The following TRA2B variants were observed in gnomAD, a reference collection of about 807,000 sequenced individuals.
The protein encoded by TRA2B is transformer-2 protein homolog beta.
Under a neutral mutation model 41.7 loss-of-function variants are expected in TRA2B, and 14 were observed. The observed-to-expected ratio is 0.34, with a 90% CI of 0.22 to 0.53. TRA2B has a LOEUF of 0.53. TRA2B is among the 20% of genes least tolerant of loss of function. The pLI is 0.95. For missense variants in TRA2B, 167 were observed against 396.8 expected (o/e 0.42, Z 4.92); for synonymous variants, 130 against 128.8 (o/e 1.01, Z -0.06).
rs1425605198 is a variant in TRA2B at position 185,937,980 on chromosome 3, G to A, written c.-120C>T. ...CGCGCCGGTCGCCCAGCCGCTCAGA[G>A]CCGAAATGCTCCGCACCGCCTCCGC... On this transcript the variant is annotated 5_prime_UTR_variant, in exon 1 of 9. Transcript: ENST00000453386. 2 of 1,226,658 alleles carry A rather than the reference G, an allele frequency of 1.6e-6. No individual in the cohort carries two copies. The highest frequency in any genetic ancestry group is 5.0e-5 in the East Asian group (2 of 39,906). 76.0% of individuals were successfully genotyped at this position (1,226,658 alleles called of 1,614,324 possible).
chr3:185,931,454 C>A, intron 1 of TRA2B: 1 of 655,982 alleles, frequency 1.5e-6, no homozygotes, highest in Non-Finnish European at 1.9e-6. Flanking sequence ...ATCAGAATTA[C>A]CTAATTTAAA....
rs112268486 is a variant in TRA2B at position 185,919,301 on chromosome 3, G to A, written c.782+136C>T. On this transcript the variant is annotated intron_variant, in intron 7 of 8. Coordinates refer to ENST00000453386, the MANE Select transcript of TRA2B (RefSeq NM_004593.3). ...CAAAGACTTTATACATTTAGTTTCC[G>A]TTAGAATATTTTCATGAGCTTCAAA... is the stretch of plus-strand genomic sequence containing the variant. 1.4e-3 allele frequency: 831 copies of A among 604,148 alleles called. 3 individuals are homozygous for A. Among genetic ancestry groups the A allele is most frequent in the African/African-American group, 0.012 (663 of 53,676 alleles). 37.4% of individuals were successfully genotyped at this position (604,148 alleles called of 1,614,324 possible).
rs934289321 is a variant in TRA2B, at chr3:185,916,105, A to G, written c.*1610T>C. On this transcript the variant is annotated 3_prime_UTR_variant, in exon 9 of 9. Transcript: ENST00000453386. ...CAAACCTAAGGGTAGTTCTCTAAGC[A>G]TATTAATTTACCACAAGTTGGCAAA... The G allele has an allele frequency of 1.3e-5, 2 of 152,246 alleles. No homozygotes were observed. Among genetic ancestry groups the G allele is most frequent in the African/African-American group, 2.4e-5 (1 of 41,458 alleles). 9.4% of individuals were successfully genotyped at this position (152,246 alleles called of 1,614,324 possible).
In TRA2B at chr3:185,915,727, C is replaced by T. The variant is rs1743478010; in HGVS notation, c.*1988G>A. On this transcript the variant is annotated 3_prime_UTR_variant, in exon 9 of 9. Transcript: ENST00000453386. Reference sequence around the variant, plus strand: ...ATCAGCAGGATAAAGGATGGCTACACAACTAAAGGGCTAAAACTCAGGCTT... The same window carrying T: ...ATCAGCAGGATAAAGGATGGCTACATAACTAAAGGGCTAAAACTCAGGCTT... Among the ~76,000 whole-genome samples, 1 of 152,132 alleles carries T rather than the reference C, an allele frequency of 6.6e-6. No individual in the cohort carries two copies. Among genetic ancestry groups the T allele is most frequent in the Non-Finnish European group, 1.5e-5 (1 of 68,018 alleles).
chr3:185,915,152 G>T lies in TRA2B; in HGVS notation c.*2563C>A, dbSNP rs981036541. ...GAGCTCAGGCAATCCATGGCCAGGAGATCGGAAACCCCTGCTCCCAGGTCT... is the reference window on the plus strand; with the variant it reads ...GAGCTCAGGCAATCCATGGCCAGGATATCGGAAACCCCTGCTCCCAGGTCT... On this transcript the variant is annotated 3_prime_UTR_variant, in exon 9 of 9. Coordinates refer to ENST00000453386, the MANE Select transcript of TRA2B (RefSeq NM_004593.3). Among the ~76,000 whole-genome samples the T allele has an allele frequency of 1.3e-5, 2 of 152,058 alleles. No individual in the cohort carries two copies. Among genetic ancestry groups the T allele is most frequent in the Admixed American group, 6.5e-5 (1 of 15,272 alleles).
intron 4 of TRA2B, chr3:185,922,767 A>C (rs1313617000): frequency 6.6e-6 from 1 of 152,224 alleles, no homozygotes; most frequent in African/African-American, 2.4e-5. Flanking sequence ...ACATTTAAAA[A>C]ATAAAAATAC....
chr3:185,924,330 C>G (rs1743858229), intron 3 of TRA2B: 1 of 181,204 alleles, frequency 5.5e-6, no homozygotes, highest in Non-Finnish European at 1.1e-5. Flanking sequence ...CACACTGTGT[C>G]TATCAGCTAG....
chr3:185,918,346 T>C lies in TRA2B; in HGVS notation c.856+19A>G. ...AGCCATACTACAATATAAACAATCATATTAAGATAAAAACTTACGAGGTGA... is the reference window on the plus strand; with the variant it reads ...AGCCATACTACAATATAAACAATCACATTAAGATAAAAACTTACGAGGTGA... On this transcript the variant is annotated intron_variant, in intron 8 of 8. Transcript: ENST00000453386. The C allele has an allele frequency of 6.3e-7, 1 of 1,582,914 alleles. No individual in the cohort carries two copies. Among genetic ancestry groups the C allele is most frequent in the Non-Finnish European group, 8.7e-7 (1 of 1,152,214 alleles).
Position 185,917,682 on chromosome 3 carries a change from G to A in TRA2B, c.*33C>T, listed in dbSNP as rs755369754. The A allele has an allele frequency of 3.7e-6, 6 of 1,611,298 alleles. No homozygotes were observed. The African/African-American group carries it at 4.0e-5, about 11-fold the overall frequency. On this transcript the variant is annotated 3_prime_UTR_variant, in exon 9 of 9. Transcript: ENST00000453386. ...AATATTGCCCACAAACAATATCCCA[G>A]CTCTAGGGCAGGTTTCAGAAAGTCT...
chr3:185,932,246 A>G (rs1173786021), intron 1 of TRA2B, among the ~76,000 whole-genome samples: 1 of 152,232 alleles, frequency 6.6e-6, no homozygotes, highest in East Asian at 1.9e-4. Context: ...ATGAAAGGAA[A>G]GCACGGACAA....
At chr3:185,920,564 T>A (rs1351431630) in intron 6 of TRA2B, among the ~76,000 whole-genome samples, 1 of 152,152 alleles carries the variant, frequency 6.6e-6, no homozygotes, top group Non-Finnish European at 1.5e-5. Context: ...TTCATTTATT[T>A]ATTTTTTTTT....
chr3:185,926,786 AAAC>A, intron 1 of TRA2B, 52 bp from the exon 2 acceptor site: 1 of 1,602,058 alleles, frequency 6.2e-7, no homozygotes, highest in Non-Finnish European at 8.5e-7. Context: ...GCAACTTTAA[AAAC>A]AAATAAGCTG....
chr3:185,921,190 A>G lies in TRA2B; in HGVS notation c.639-3T>C, dbSNP rs200074184. The G allele has an allele frequency of 7.1e-5, 115 of 1,614,002 alleles. No homozygotes were observed. The East Asian group carries it at 2.3e-3, about 33-fold the overall frequency. On this transcript the variant is annotated splice_polypyrimidine_tract_variant and splice_region_variant and intron_variant, in intron 5 of 8. Coordinates refer to ENST00000453386, the MANE Select transcript of TRA2B (RefSeq NM_004593.3). ...AATCCCGACGGCGAGAGCTGCCACT[A>G]TGAAGAAAAAAATATTCAGGTGACC... is the stretch of plus-strand genomic sequence containing the variant.
In TRA2B at chr3:185,934,935, C is replaced by T. The variant is rs1204139407; in HGVS notation, c.36+2890G>A. ...AAAACATTTTCTTTAACATCTGGTC[C>T]ATACATCAGTGTCTCCTTAGTTTCT... is the stretch of plus-strand genomic sequence containing the variant. On this transcript the variant is annotated intron_variant, in intron 1 of 8. Transcript: ENST00000453386. 15 of 985,274 alleles carry T rather than the reference C, an allele frequency of 1.5e-5. No individual in the cohort carries two copies. The Admixed American group carries it at 8.6e-4, about 57-fold the overall frequency. 61.0% of individuals were successfully genotyped at this position (985,274 alleles called of 1,614,324 possible).
Position 185,915,765 on chromosome 3 carries a change from C to T in TRA2B, c.*1950G>A, listed in dbSNP as rs532479691. ...AAAACTCAGGCTTTAGGATAGAAAC[C>T]GAGGGTTATGTTCGAGATTATCAGG... is the stretch of plus-strand genomic sequence containing the variant. On this transcript the variant is annotated 3_prime_UTR_variant, in exon 9 of 9. Coordinates refer to ENST00000453386, the MANE Select transcript of TRA2B (RefSeq NM_004593.3). 3.9e-5 allele frequency: 6 copies of T among 152,208 alleles called. No individual in the cohort carries two copies. Among genetic ancestry groups the T allele is most frequent in the African/African-American group, 4.8e-5 (2 of 41,522 alleles). 9.4% of individuals were successfully genotyped at this position (152,208 alleles called of 1,614,324 possible). A position where few individuals can be genotyped will look rare whatever the true frequency, so the allele number is the denominator to read the frequency against.
At chr3:185,920,002 T>G (rs545264951) in intron 6 of TRA2B, among the ~76,000 whole-genome samples, 1 of 152,346 alleles carries the variant, frequency 6.6e-6, no homozygotes, top group East Asian at 1.9e-4. Flanking sequence ...ATTACACATT[T>G]TGACAAGGGA....
Position 185,917,309 on chromosome 3 carries a change from G to C in TRA2B, c.*406C>G, listed in dbSNP as rs1743535810. 1.1e-5 allele frequency: 2 copies of C among 179,802 alleles called. No individual in the cohort carries two copies. The highest frequency in any genetic ancestry group is 1.2e-4 in the Admixed American group (2 of 16,360). The allele number at this position is 179,802 out of a possible 1,614,324, so 11.1% of individuals were successfully genotyped here. ...AATCTGAATAGTTCTGCTAAGCATT[G>C]ATATGTTAGAAAGAAAAGTAAAAAT... On this transcript the variant is annotated 3_prime_UTR_variant, in exon 9 of 9. Coordinates refer to ENST00000453386, the MANE Select transcript of TRA2B (RefSeq NM_004593.3).
intron 1 of TRA2B, chr3:185,936,544 A>G (rs1160452284): frequency 1.9e-5 from 19 of 985,338 alleles, no homozygotes; most frequent in Non-Finnish European, 2.3e-5. Context: ...TTTCTTCCTA[A>G]AATACTCTGA....
In TRA2B at chr3:185,936,091, G is replaced by C. The variant is rs573095040; in HGVS notation, c.36+1734C>G. On this transcript the variant is annotated intron_variant, in intron 1 of 8. Transcript: ENST00000453386. The stretch of plus-strand genomic sequence containing the variant: ...ACGTAAAATATACTAATGAACTCTG[G>C]GCAATTTTCCATTCTCAAGCATTCT... 53 of 985,266 alleles carry C rather than the reference G, an allele frequency of 5.4e-5. No individual in the cohort carries two copies. The East Asian group carries it at 5.3e-3, about 99-fold the overall frequency. The allele number at this position is 985,266 out of a possible 1,614,324, so 61.0% of individuals were successfully genotyped here.
Sources: gnomAD v4.1 joint callset for allele counts (sites outside exome capture counted in the v4.1 genomes callset) on GRCh38, gnomAD v4.1.1 for gene constraint, MANE v1.5 for transcripts, NCBI Gene and HGNC (gene_info 2026-07-23, HGNC 2026-07-21) for gene names.